The following KCNT2 variants were observed in gnomAD, a reference collection of about 807,000 sequenced individuals.
The protein encoded by KCNT2 is potassium channel subfamily T member 2.
A neutral mutation model predicts 153.8 loss-of-function variants in KCNT2; 67 were observed. The ratio of observed to expected loss-of-function variants is 0.44; its 90% CI spans 0.36 to 0.53. The LOEUF is 0.53. Ranked by LOEUF, KCNT2 falls within the 20% of genes least tolerant of loss-of-function variation. KCNT2 has a pLI of 0.00. For synonymous variants in KCNT2, 500 were observed against 458.8 expected, an observed-to-expected ratio of 1.09 and a Z score of -1.15; for missense variants, 975 against 1,354.8, an observed-to-expected ratio of 0.72 and a Z score of 4.40.
At chr1:196,557,573 A>C (rs148031998) in intron 1 of KCNT2, among the ~76,000 whole-genome samples, 161 of 151,282 alleles carry the variant, frequency 1.1e-3, no homozygotes, top group Middle Eastern at 6.8e-3. Flanking sequence ...TGTAGAAAAA[A>C]AAAATGGTGG....
At chr1:196,444,292 TC>T (rs1006382484) in intron 8 of KCNT2, among the ~76,000 whole-genome samples, 17 of 151,414 alleles carry the variant, frequency 1.1e-4, no homozygotes, top group African/African-American at 3.4e-4. Flanking sequence ...ATATCAGAAA[TC>T]CGTTTCTAAA....
chr1:196,259,912 T>A (rs941349545), intron 25 of KCNT2, among the ~76,000 whole-genome samples: 1 of 151,946 alleles, frequency 6.6e-6, no homozygotes, highest in African/African-American at 2.4e-5. Flanking sequence ...TGAACATTTT[T>A]ATAAAATTTT....
intron 7 of KCNT2, among the ~76,000 whole-genome samples, chr1:196,466,524 T>C (rs1677629397): frequency 6.6e-6 from 1 of 152,062 alleles, no homozygotes. Context: ...GAAAATAACT[T>C]TGCCTCCAAA....
intron 24 of KCNT2, among the ~76,000 whole-genome samples, chr1:196,281,429 A>G (rs557485738): frequency 6.6e-6 from 1 of 152,300 alleles, no homozygotes; most frequent in South Asian, 2.1e-4. Flanking sequence ...TATTTAATGT[A>G]CAGGGTATGC....
intron 25 of KCNT2, among the ~76,000 whole-genome samples, chr1:196,267,109 CACAA>C (rs1357623865): frequency 1.3e-5 from 2 of 152,212 alleles, no homozygotes; most frequent in Non-Finnish European, 2.9e-5. Context: ...GTCCTGCTGT[CACAA>C]ACAATCCCTC....
intron 1 of KCNT2, among the ~76,000 whole-genome samples, chr1:196,538,761 G>A (rs1418025661): frequency 1.3e-5 from 2 of 152,124 alleles, no homozygotes; most frequent in Admixed American, 6.5e-5. Context: ...CCCTTACACA[G>A]GTCATACTGA....
intron 14 of KCNT2, among the ~76,000 whole-genome samples, chr1:196,368,088 T>C (rs1668193047): frequency 6.6e-6 from 1 of 152,176 alleles, no homozygotes; most frequent in Non-Finnish European, 1.5e-5. Context: ...CCATAGTTTT[T>C]AAGGTGTAAA....
intron 8 of KCNT2, among the ~76,000 whole-genome samples, chr1:196,430,420 T>C (rs934031527): frequency 5.3e-5 from 8 of 150,080 alleles, no homozygotes; most frequent in African/African-American, 1.5e-4. Context: ...CTCTCTCTCT[T>C]TCTCTCTCTC....
intron 26 of KCNT2, among the ~76,000 whole-genome samples, chr1:196,237,244 G>A (rs941865802): frequency 7.9e-5 from 12 of 151,642 alleles, no homozygotes; most frequent in Admixed American, 5.3e-4. Context: ...TTCCTCTAAC[G>A]AGAAACCTGT....
At chr1:196,545,259 A>G (rs1211746132) in intron 1 of KCNT2, among the ~76,000 whole-genome samples, 1 of 152,122 alleles carries the variant, frequency 6.6e-6, no homozygotes, top group Non-Finnish European at 1.5e-5. Context: ...AGAGGTAAGC[A>G]GGATATAGTT....
intron 12 of KCNT2, among the ~76,000 whole-genome samples, chr1:196,414,794 G>A (rs1672621996): frequency 6.6e-6 from 1 of 151,848 alleles, no homozygotes; most frequent in South Asian, 2.1e-4. Flanking sequence ...GTGTGAGTGA[G>A]TTTAAGAAAA....
At chr1:196,498,765 T>G (rs1251939550) in intron 1 of KCNT2, among the ~76,000 whole-genome samples, 1 of 152,194 alleles carries the variant, frequency 6.6e-6, no homozygotes, top group African/African-American at 2.4e-5. Flanking sequence ...GAAAGCATAC[T>G]GCCAAGGTTA....
At chr1:196,399,097 ATG>A (rs150605752) in intron 12 of KCNT2, among the ~76,000 whole-genome samples, 19 of 148,918 alleles carry the variant, frequency 1.3e-4, no homozygotes, top group African/African-American at 3.9e-4. Flanking sequence ...ACCTGTGTGT[ATG>A]TGTGTGTGTG....
chr1:196,435,332 C>A (rs1674559206), intron 8 of KCNT2, among the ~76,000 whole-genome samples: 1 of 149,720 alleles, frequency 6.7e-6, no homozygotes, highest in South Asian at 2.1e-4. Context: ...CTTTACTTTT[C>A]CTAGTAACTA....
chr1:196,274,820 T>G (rs866558860), intron 25 of KCNT2, among the ~76,000 whole-genome samples: 1 of 151,854 alleles, frequency 6.6e-6, no homozygotes, highest in Admixed American at 6.6e-5. Flanking sequence ...GGTTATAGTA[T>G]ACTTCAAACA....
intron 8 of KCNT2, among the ~76,000 whole-genome samples, chr1:196,431,492 C>T (rs372878813): frequency 3.3e-5 from 5 of 151,908 alleles, no homozygotes; most frequent in East Asian, 3.9e-4. Context: ...GGGGAAATAC[C>T]GACGGTAACG....
chr1:196,524,919 A>T (rs1426731407), intron 1 of KCNT2, among the ~76,000 whole-genome samples: 2 of 152,212 alleles, frequency 1.3e-5, no homozygotes, highest in African/African-American at 2.4e-5. Flanking sequence ...TTTTATAAAT[A>T]CAATGAGTAT....
chr1:196,258,404 A>T lies in KCNT2; in HGVS notation c.3001T>A (p.Ser1001Thr). ...AAGGGATGGTCCGACTGATCACTGGATGTTGAGTTGCGGTGGTTGCTGCGG... is the reference window on the plus strand; with the variant it reads ...AAGGGATGGTCCGACTGATCACTGGTTGTTGAGTTGCGGTGGTTGCTGCGG... ...HHRSNHRNST[S>T]SDQSDHPLLR... Residue 1001 changes from serine to threonine, a missense_variant, in exon 26 of 28, where the codon TCC becomes ACC. Coordinates refer to ENST00000294725, the MANE Select transcript of KCNT2 (RefSeq NM_198503.5). The T allele has an allele frequency of 6.2e-7, 1 of 1,613,948 alleles. No individual in the cohort carries two copies. Among genetic ancestry groups the T allele is most frequent in the Admixed American group, 1.7e-5 (1 of 59,978 alleles).
chr1:196,560,379 T>C (rs1021358376), intron 1 of KCNT2, among the ~76,000 whole-genome samples: 2 of 151,948 alleles, frequency 1.3e-5, no homozygotes, highest in Admixed American at 6.6e-5. Context: ...AGATGATTAA[T>C]TTTCCATGTT....
Sources: allele counts gnomAD v4.1 joint callset (sites outside exome capture counted in the v4.1 genomes callset), GRCh38; gene constraint gnomAD v4.1.1; transcripts MANE v1.5; gene names NCBI Gene and HGNC (gene_info 2026-07-23, HGNC 2026-07-21).